The following NYAP2 variants were observed in gnomAD, a reference collection of about 807,000 sequenced individuals.
NYAP2 encodes the protein neuronal tyrosine-phosphorylated phosphoinositide-3-kinase adaptor 2.
In NYAP2, 23 loss-of-function variants were observed where a neutral mutation model predicts 50.4. The ratio of observed to expected loss-of-function variants is 0.46; its 90% CI spans 0.33 to 0.65. The LOEUF is 0.65. Among genes scored for constraint, NYAP2 ranks in the 30% least tolerant of loss-of-function variants. NYAP2 has a pLI of 0.02. For missense variants in NYAP2, 885 were observed against 861.0 expected (o/e 1.03, Z -0.35); for synonymous variants, 394 against 365.2 (o/e 1.08, Z -0.90).
At chr2:225,497,442 C>T (rs1444416432) in intron 3 of NYAP2, among the ~76,000 whole-genome samples, 2 of 152,178 alleles carry the variant, frequency 1.3e-5, no homozygotes, top group Non-Finnish European at 2.9e-5. Flanking sequence ...GTTTTTAGAA[C>T]TCTAAGGCCT....
At chr2:225,522,388 A>G (rs527841905) in intron 4 of NYAP2, among the ~76,000 whole-genome samples, 1 of 152,100 alleles carries the variant, frequency 6.6e-6, no homozygotes, top group Non-Finnish European at 1.5e-5. Flanking sequence ...TGTTTTAGAC[A>G]TGTTTAGTAA....
intron 4 of NYAP2, among the ~76,000 whole-genome samples, chr2:225,547,853 G>A (rs1249898924): frequency 6.6e-6 from 1 of 152,124 alleles, no homozygotes; most frequent in Non-Finnish European, 1.5e-5. Flanking sequence ...TTGTTCCCGT[G>A]GGGTTGGGGT....
chr2:225,535,244 T>C (rs962847970), intron 4 of NYAP2, among the ~76,000 whole-genome samples: 4 of 152,186 alleles, frequency 2.6e-5, no homozygotes, highest in Non-Finnish European at 4.4e-5. Flanking sequence ...CAGTATCTTC[T>C]ATGGACAAAA....
At chr2:225,513,993 GTAT>G (rs1302782369) in intron 4 of NYAP2, among the ~76,000 whole-genome samples, 1 of 152,070 alleles carries the variant, frequency 6.6e-6, no homozygotes, top group Non-Finnish European at 1.5e-5. Context: ...ACAATTAAAG[GTAT>G]TATTATTTGA....
intron 4 of NYAP2, among the ~76,000 whole-genome samples, chr2:225,563,142 AC>A (rs1279412114): frequency 6.6e-6 from 1 of 152,138 alleles, no homozygotes. Flanking sequence ...AGTGAGAGAG[AC>A]AAACACAGTC....
intron 4 of NYAP2, among the ~76,000 whole-genome samples, chr2:225,541,611 A>G (rs1691474916): frequency 6.6e-6 from 1 of 151,864 alleles, no homozygotes; most frequent in African/African-American, 2.4e-5. Flanking sequence ...AGATATATGA[A>G]TTTGTTTCTA....
chr2:225,575,186 A>T (rs750611623), intron 4 of NYAP2, among the ~76,000 whole-genome samples: 1 of 152,112 alleles, frequency 6.6e-6, no homozygotes, highest in Non-Finnish European at 1.5e-5. Context: ...TCCCCAATAT[A>T]TAACACCATG....
intron 5 of NYAP2, among the ~76,000 whole-genome samples, chr2:225,609,522 A>G (rs368750862): frequency 6.6e-6 from 1 of 152,276 alleles, no homozygotes; most frequent in East Asian, 1.9e-4. Context: ...TGGGGCCAGA[A>G]ATGCAGCGAG....
At chr2:225,572,686 T>C (rs1168097605) in intron 4 of NYAP2, among the ~76,000 whole-genome samples, 1 of 152,188 alleles carries the variant, frequency 6.6e-6, no homozygotes, top group African/African-American at 2.4e-5. Context: ...GAAATATAAA[T>C]TATTAAAAGC....
At position 225,582,661 on chromosome 2, in the gene NYAP2, C is replaced by T. The variant is rs898679585; in HGVS notation, c.1244C>T (p.Pro415Leu). 1 of 1,597,200 alleles carries T rather than the reference C, an allele frequency of 6.3e-7. No individual in the cohort carries two copies. The highest frequency in any genetic ancestry group is 8.5e-7 in the Non-Finnish European group (1 of 1,171,528). ...ACCCCTGCGCTCTCCTCGTCGCCCC[C>T]ACCCCCGTCTACGCTGTACCGAACC... The change falls in exon 5 of 7, where the codon CCA becomes CTA. Residue 415 changes from proline (P) to leucine (L), a missense_variant. Coordinates refer to ENST00000636099, the Ensembl canonical transcript of NYAP2. The surrounding 1 kb of genome is among the most constrained non-coding windows in gnomAD (Gnocchi z 7.0).
chr2:225,648,713 G>A (rs1199823178), intron 6 of NYAP2, among the ~76,000 whole-genome samples: 1 of 152,190 alleles, frequency 6.6e-6, no homozygotes, highest in East Asian at 1.9e-4. Context: ...GAAGATCCAA[G>A]ATATTGAGAA....
intron 3 of NYAP2, among the ~76,000 whole-genome samples, chr2:225,476,503 G>T (rs1480743704): frequency 6.6e-6 from 1 of 151,982 alleles, no homozygotes; most frequent in East Asian, 1.9e-4. Flanking sequence ...ACCCAGCAAT[G>T]TGCTGGTAAA....
chr2:225,595,828 T>C (rs1692587131), intron 5 of NYAP2, among the ~76,000 whole-genome samples: 1 of 152,150 alleles, frequency 6.6e-6, no homozygotes. Flanking sequence ...CTTAAGTGAA[T>C]GTGCTGTACT....
chr2:225,435,715 C>T (rs919010078), intron 3 of NYAP2, among the ~76,000 whole-genome samples: 1 of 152,150 alleles, frequency 6.6e-6, no homozygotes, highest in East Asian at 1.9e-4. Flanking sequence ...ATAGCAGTTA[C>T]TCTTTTTGGC....
the NYAP2 span, among the ~76,000 whole-genome samples, chr2:225,668,932 T>C: frequency 7.0e-6 from 1 of 141,990 alleles, no homozygotes; most frequent in Non-Finnish European, 1.5e-5. Flanking sequence ...AAGAAAAAAA[T>C]TGTGTCCTAA....
chr2:225,507,511 T>C (rs560088864), intron 3 of NYAP2, among the ~76,000 whole-genome samples: 39 of 152,320 alleles, frequency 2.6e-4, no homozygotes, highest in African/African-American at 9.1e-4. Flanking sequence ...AATCAGCAGG[T>C]GCTTTGAAAA....
At chr2:225,624,967 T>G (rs1311146330) in intron 5 of NYAP2, among the ~76,000 whole-genome samples, 1 of 139,146 alleles carries the variant, frequency 7.2e-6, no homozygotes, top group East Asian at 2.1e-4. Context: ...TCCCACAGAT[T>G]CAGATAATGG....
intron 3 of NYAP2, among the ~76,000 whole-genome samples, chr2:225,460,370 G>C (rs1040842935): frequency 1.3e-5 from 2 of 152,074 alleles, no homozygotes; most frequent in Admixed American, 6.5e-5. Flanking sequence ...TTCTTCATTT[G>C]TCTTATTTTT....
intron 4 of NYAP2, among the ~76,000 whole-genome samples, chr2:225,575,399 G>A (rs1332135674): frequency 6.6e-6 from 1 of 152,144 alleles, no homozygotes; most frequent in African/African-American, 2.4e-5. Flanking sequence ...AAAAAGCAAT[G>A]ATTATATTTG....
Sources: gnomAD v4.1 joint callset for allele counts (sites outside exome capture counted in the v4.1 genomes callset) on GRCh38, gnomAD v4.1.1 for gene constraint, Gnocchi (gnomAD v3.1) non-coding constraint, MANE v1.5 for transcripts, NCBI Gene and HGNC (gene_info 2026-07-23, HGNC 2026-07-21) for gene names.